Variants in TARBP1 observed in about 807,000 individuals in gnomAD.
The protein encoded by TARBP1 is tRNA (guanosine(18)-2'-O)-methyltransferase TARBP1.
A neutral mutation model predicts 178.6 loss-of-function variants in TARBP1; 144 were observed. The observed-to-expected ratio is 0.81, with a 90% CI of 0.70 to 0.93. The LOEUF is 0.93. Ranked by LOEUF, TARBP1 falls within the 40% of genes least tolerant of loss-of-function variation. The pLI is 0.00. For missense variants in TARBP1, 2,067 were observed against 2,011.7 expected (o/e 1.03, Z -0.53); for synonymous variants, 787 against 781.0 (o/e 1.01, Z -0.13).
chr1:234,471,148 CATAA>C (rs764574565), intron 3 of TARBP1, 36 bp downstream of exon 3: 2 of 1,451,752 alleles, frequency 1.4e-6, no homozygotes, highest in South Asian at 2.5e-5. Context: ...AGGGGAAAAC[CATAA>C]ATGTTATTAA....
intron 9 of TARBP1, among the ~76,000 whole-genome samples, chr1:234,453,328 T>TG (rs71576426): frequency 0.31 from 42,818 of 137,108 alleles, 6,363 homozygotes; most frequent in Admixed American, 0.42. Context: ...TTTTTTTGTG[T>TG]GTTTTTTTTT....
In TARBP1 at chr1:234,478,945, G is replaced by T. The variant is rs989711960; in HGVS notation, c.159C>A (p.Gly53=). 8 of 1,450,652 alleles carry T rather than the reference G, an allele frequency of 5.5e-6. No individual in the cohort carries two copies. The African/African-American group carries it at 1.2e-4, about 22-fold the overall frequency. The allele number at this position is 1,450,652 out of a possible 1,614,324, so 89.9% of individuals were successfully genotyped here. The part of the protein sequence containing the change: ...LEDEEARGSG[G]AGALPEAARE... ...GCGCCGCCTCCGGGAGCGCGCCTGCGCCCCCGCTGCCGCGCGCCTCCTCGT... is the reference window on the plus strand; with the variant it reads ...GCGCCGCCTCCGGGAGCGCGCCTGCTCCCCCGCTGCCGCGCGCCTCCTCGT... Residue 53 remains glycine, a synonymous_variant, in exon 1 of 30, where the codon GGC becomes GGA. Transcript: ENST00000040877.
chr1:234,433,286 A>AC (rs112979975), intron 14 of TARBP1, 124 bp downstream of exon 14: 113,938 of 1,008,992 alleles, frequency 0.11, 7,570 homozygotes, highest in Middle Eastern at 0.26. Flanking sequence ...ACTAGAGGGT[A>AC]TATTTTAAAA....
chr1:234,475,139 G>C (rs1396403001), intron 1 of TARBP1, among the ~76,000 whole-genome samples: 1 of 152,202 alleles, frequency 6.6e-6, no homozygotes, highest in Non-Finnish European at 1.5e-5. Context: ...GTGCTCTCGA[G>C]AGAGACTGTG....
chr1:234,396,131 A>C (rs966507404), intron 26 of TARBP1, among the ~76,000 whole-genome samples: 4 of 152,236 alleles, frequency 2.6e-5, no homozygotes, highest in Non-Finnish European at 5.9e-5. Flanking sequence ...TGGAAAGTCT[A>C]TTACAACATG....
chr1:234,431,654 C>T (rs898286147), intron 14 of TARBP1, among the ~76,000 whole-genome samples: 2 of 152,196 alleles, frequency 1.3e-5, no homozygotes, highest in Non-Finnish European at 2.9e-5. Flanking sequence ...GTTCTAAAGA[C>T]TTAACATGAA....
In TARBP1 at chr1:234,418,225, C is replaced by G; in HGVS notation, c.3564G>C (p.Leu1188Phe). 6.5e-7 allele frequency: 1 copy of G among 1,547,984 alleles called. No homozygotes were observed. The highest frequency in any genetic ancestry group is 2.4e-5 in the East Asian group (1 of 41,278). The change falls in exon 22 of 30, where the codon TTG becomes TTC. Residue 1188 changes from leucine (L) to phenylalanine (F), a missense_variant. By Grantham distance (22) the Leu-to-Phe change is conservative. Coordinates refer to ENST00000040877, the MANE Select transcript of TARBP1 (RefSeq NM_005646.4). ...VLFPRLDQNF[L>F]NGIIDRIFQA... Reference sequence around the variant, plus strand: ...GGAAAATCCTGTCAATAATTCCATTCAAGAAATTCTGAGAAAAAAAGTTCA... The same window carrying G: ...GGAAAATCCTGTCAATAATTCCATTGAAGAAATTCTGAGAAAAAAAGTTCA...
At chr1:234,398,001 T>C (rs1008521138) in intron 26 of TARBP1, among the ~76,000 whole-genome samples, 2 of 151,616 alleles carry the variant, frequency 1.3e-5, no homozygotes, top group Non-Finnish European at 2.9e-5. Context: ...TTTATTCCTA[T>C]GAAGGACAAA....
At position 234,401,223 on chromosome 1, in the gene TARBP1, G is replaced by C; in HGVS notation, c.4029C>G (p.Phe1343Leu). The C allele has an allele frequency of 1.2e-6, 2 of 1,613,432 alleles. No individual in the cohort carries two copies. Among genetic ancestry groups the C allele is most frequent in the Non-Finnish European group, 1.7e-6 (2 of 1,179,650 alleles). ...KKNWQRIQEH[F>L]FFATFHPLKD... is the part of the protein sequence containing the mutation. The stretch of plus-strand genomic sequence containing the variant: ...TGAGTGGGTGAAATGTTGCAAAAAA[G>C]AAATGCTCCTGAATGCGTTGCCAAT... The change falls in exon 25 of 30, where the codon TTC (phenylalanine) becomes TTG (leucine). Residue 1343 changes from phenylalanine (F) to leucine (L), a missense_variant. Transcript: ENST00000040877.
At chr1:234,461,440 T>C (rs991607803) in intron 6 of TARBP1, among the ~76,000 whole-genome samples, 3 of 152,206 alleles carry the variant, frequency 2.0e-5, no homozygotes, top group Non-Finnish European at 2.9e-5. Context: ...CCTGAGTAGC[T>C]GGGATTACAG....
intron 17 of TARBP1, among the ~76,000 whole-genome samples, chr1:234,428,255 CTA>C (rs1453490275): frequency 1.3e-5 from 2 of 152,256 alleles, no homozygotes; most frequent in East Asian, 3.9e-4. Context: ...TGGTATGTTC[CTA>C]TCTCAGTAGC....
rs1229874048 is a variant in TARBP1 at position 234,433,433 on chromosome 1, G to A, written c.2371C>T (p.Leu791Phe). 1.2e-6 allele frequency: 2 copies of A among 1,613,924 alleles called. No homozygotes were observed. The highest frequency in any genetic ancestry group is 1.7e-6 in the Non-Finnish European group (2 of 1,179,980). Reference sequence around the variant, plus strand: ...ACCTGTCCACTGTCCATCTCTTGAAGATGCTGAATGGATGCATTTTTCAAA... The same window carrying A: ...ACCTGTCCACTGTCCATCTCTTGAAAATGCTGAATGGATGCATTTTTCAAA... Reference protein sequence around the residue: ...SLLKNASIQHLQEMDSGQEPT... With the variant: ...SLLKNASIQHFQEMDSGQEPT... The change falls in exon 14 of 30, where the codon CTT becomes TTT. Residue 791 changes from leucine to phenylalanine, a missense_variant. By Grantham distance (22) the Leu-to-Phe change is conservative. Transcript: ENST00000040877.
intron 22 of TARBP1, among the ~76,000 whole-genome samples, chr1:234,417,469 C>T (rs1002321643): frequency 1.2e-4 from 19 of 152,280 alleles, no homozygotes; most frequent in African/African-American, 4.6e-4. Context: ...GGGAAAGGTG[C>T]ATTTGGAAAC....
chr1:234,468,871 C>T (rs566788010), intron 3 of TARBP1, among the ~76,000 whole-genome samples: 2 of 151,872 alleles, frequency 1.3e-5, no homozygotes, highest in African/African-American at 2.4e-5. Context: ...ATAAGACAGG[C>T]CTTCCCTGAC....
At chr1:234,452,520 C>T (rs1188186391) in intron 9 of TARBP1, among the ~76,000 whole-genome samples, 1 of 152,150 alleles carries the variant, frequency 6.6e-6, no homozygotes, top group African/African-American at 2.4e-5. Flanking sequence ...AATAAGACAC[C>T]ACTATATAGC....
In TARBP1 at chr1:234,418,096, A is replaced by G; in HGVS notation, c.3693T>C (p.Asp1231=). 7.3e-7 allele frequency: 1 copy of G among 1,377,194 alleles called. No individual in the cohort carries two copies. The highest frequency in any genetic ancestry group is 1.5e-5 in the South Asian group (1 of 64,790). 85.3% of individuals were successfully genotyped at this position (1,377,194 alleles called of 1,614,324 possible). The change falls in exon 22 of 30, where the codon GAT becomes GAC. Residue 1231 remains aspartate (D), a synonymous_variant. Transcript: ENST00000040877. ...ATTCTTTACTTACATAAGAAAAACA[A>G]TCCCAGAACTTTGGAAGAAATTGAG... ...KFPQFLPKFW[D]CFSYGEENLK...
chr1:234,427,644 A>G lies in TARBP1; in HGVS notation c.3183T>C (p.Ser1061=). 1 of 1,598,382 alleles carries G rather than the reference A, an allele frequency of 6.3e-7. No individual in the cohort carries two copies. Among genetic ancestry groups the G allele is most frequent in the African/African-American group, 1.4e-5 (1 of 74,014 alleles). The change falls in exon 18 of 30, where the codon AGT becomes AGC. Residue 1061 remains serine (S), a synonymous_variant. Coordinates refer to ENST00000040877, the MANE Select transcript of TARBP1 (RefSeq NM_005646.4). ...GGATAAGTTCGCTATAATTTTTAGC[A>G]CTTGATAAAGATCCTTGGGACACAT... The part of the protein sequence containing the change: ...ASNVSQGSLS[S]AKNYSELILE...
rs1452485204 is a variant in TARBP1 at position 234,478,663 on chromosome 1, G to A, written c.441C>T (p.Val147=). 3.1e-5 allele frequency: 39 copies of A among 1,263,202 alleles called. No individual in the cohort carries two copies. Among genetic ancestry groups the A allele is most frequent in the Non-Finnish European group, 3.8e-5 (38 of 1,005,110 alleles). 78.2% of individuals were successfully genotyped at this position (1,263,202 alleles called of 1,614,324 possible). The change falls in exon 1 of 30, where the codon GTC becomes GTT. Residue 147 remains valine, a synonymous_variant. Transcript: ENST00000040877. ...AEAAVEVLAA[V]GPCLRPREDG... The stretch of plus-strand genomic sequence containing the variant: ...CCTCGCGGGGCCGCAAACATGGCCC[G>A]ACGGCTGCTAGCACTTCCACGGCAG...
At chr1:234,433,602 C>A (rs2103144823) in intron 13 of TARBP1, 31 bp from the exon 14 acceptor site, 1 of 1,576,780 alleles carries the variant, frequency 6.3e-7, no homozygotes, top group Non-Finnish European at 8.6e-7. Context: ...CTTAAGGGTA[C>A]AAGCAAGGTC....
Sources: gnomAD v4.1 joint callset for allele counts (sites outside exome capture counted in the v4.1 genomes callset) on GRCh38, gnomAD v4.1.1 for gene constraint, MANE v1.5 for transcripts, NCBI Gene and HGNC (gene_info 2026-07-23, HGNC 2026-07-21) for gene names.